The following ACIN1 variants were observed in gnomAD, a reference collection of about 807,000 sequenced individuals.
ACIN1 encodes the protein apoptotic chromatin condensation inducer 1, also known as apoptotic chromatin condensation inducer in the nucleus.
Under a neutral mutation model 146.6 loss-of-function variants are expected in ACIN1, and 16 were observed. The observed-to-expected ratio is 0.11, with a 90% CI of 0.07 to 0.17. The LOEUF (loss-of-function observed/expected upper bound fraction) is 0.17, where lower values mean the gene tolerates loss of function less well. Among genes scored for constraint, ACIN1 ranks in the 10% least tolerant of loss-of-function variants. ACIN1 has a pLI of 1.00. For missense variants in ACIN1, 1,357 were observed against 1,609.3 expected (o/e 0.84, Z 2.68); for synonymous variants, 569 against 582.7 (o/e 0.98, Z 0.34).
At chr14:23,094,848 CCA>C in intron 1 of ACIN1, 125 bp downstream of exon 1, 1 of 1,339,294 alleles carries the variant, frequency 7.5e-7, no homozygotes, top group East Asian at 2.5e-5. Context: ...GCGCGCGGAT[CCA>C]GAGGCTCGCG....
At chr14:23,060,909 C>T (rs978065543) in intron 18 of ACIN1, among the ~76,000 whole-genome samples, 175 bp downstream of exon 18, 1 of 152,236 alleles carries the variant, frequency 6.6e-6, no homozygotes, top group Admixed American at 6.5e-5. Flanking sequence ...CCTCCTGAGT[C>T]TGGTTTCTCT....
intron 10 of ACIN1, chr14:23,064,744 A>G (rs1425832585): frequency 2.5e-6 from 1 of 402,782 alleles, no homozygotes; most frequent in Non-Finnish European, 4.6e-6. Flanking sequence ...TAAAAATACA[A>G]AAATTAGCCA....
chr14:23,078,288 G>A (rs761659455), intron 7 of ACIN1, 22 bp from the exon 8 acceptor site: 10 of 1,606,282 alleles, frequency 6.2e-6, no homozygotes, highest in Non-Finnish European at 6.0e-6. Context: ...TAGCAAAAAC[G>A]AACAGAGCAA....
chr14:23,071,599 C>T, intron 8 of ACIN1: 1 of 1,524,510 alleles, frequency 6.6e-7, no homozygotes, highest in East Asian at 2.5e-5. Flanking sequence ...TGGGGGAGGG[C>T]CTTGCTGCAG....
In ACIN1 at chr14:23,079,058, A is replaced by G. The variant is rs745786788; in HGVS notation, c.1789-20T>C. 34 of 1,604,942 alleles carry G rather than the reference A, an allele frequency of 2.1e-5. No individual in the cohort carries two copies. In the Admixed American group the frequency reaches 3.2e-4, roughly 15 times the overall value. ...CAGAGACTAAAACAAAATGAAACAC[A>G]TAACAAGGAAAATTATTGTATATGG... On this transcript the variant is annotated intron_variant, in intron 6 of 18. Coordinates refer to ENST00000605057, the MANE Select transcript of ACIN1 (RefSeq NM_001386863.1).
rs2140152875 is a variant in ACIN1, at chr14:23,079,879, C to T, written c.1456G>A (p.Glu486Lys). ...AAAGATGGCTGTTTCAGACATTCTTCAGTGATTCCTTTGGCCAGTGCTAAT... is the reference window on the plus strand; with the variant it reads ...AAAGATGGCTGTTTCAGACATTCTTTAGTGATTCCTTTGGCCAGTGCTAAT... ...EELALAKGIT[E>K]ECLKQPSLEQ... The change falls in exon 6 of 19, where the codon GAA (glutamate) becomes AAA (lysine). Residue 486 changes from glutamate to lysine, a missense_variant. Around this residue, in one of 4 missense-constraint regions of ACIN1, gnomAD observed 771 missense variants for 746.6 expected, o/e 1.03. Transcript: ENST00000605057. The T allele has an allele frequency of 6.2e-7, 1 of 1,614,196 alleles. No individual in the cohort carries two copies. Among genetic ancestry groups the T allele is most frequent in the Non-Finnish European group, 8.5e-7 (1 of 1,180,030 alleles).
chr14:23,087,374 G>A (rs1049644474), intron 4 of ACIN1, among the ~76,000 whole-genome samples: 9 of 151,756 alleles, frequency 5.9e-5, no homozygotes, highest in Non-Finnish European at 1.5e-5. Context: ...ACACTGAAGA[G>A]CATTTACGGC....
chr14:23,065,822 A>G, intron 10 of ACIN1, 144 bp downstream of exon 10: 1 of 693,830 alleles, frequency 1.4e-6, no homozygotes, highest in Non-Finnish European at 2.5e-6. Context: ...CCTACATAGG[A>G]AAGGATTCAG....
At position 23,068,029 on chromosome 14, in the gene ACIN1, T is replaced by C; in HGVS notation, c.2265+1447A>G. ...CCTGCCTCCAGGGATGGAGGAGAAG[T>C]TGGAGCAACCAACATGCTGCCCTTC... On this transcript the variant is annotated intron_variant, in intron 9 of 18. Transcript: ENST00000605057. The surrounding 1 kb of genome is among the most constrained non-coding windows in gnomAD (Gnocchi z 4.3). 1 of 985,754 alleles carries C rather than the reference T, an allele frequency of 1.0e-6. No homozygotes were observed. 61.1% of individuals were successfully genotyped at this position (985,754 alleles called of 1,614,324 possible).
chr14:23,070,548 G>T (rs898348835), intron 8 of ACIN1, among the ~76,000 whole-genome samples: 4 of 151,904 alleles, frequency 2.6e-5, no homozygotes, highest in South Asian at 4.2e-4. Context: ...TTCAGGCAAA[G>T]AATCCCAGAG....
In ACIN1 at chr14:23,094,993, C is replaced by T; in HGVS notation, c.120G>A (p.Leu40=). The T allele has an allele frequency of 1.2e-6, 2 of 1,605,616 alleles. No homozygotes were observed. Among genetic ancestry groups the T allele is most frequent in the Non-Finnish European group, 1.7e-6 (2 of 1,179,378 alleles). The part of the protein sequence containing the change: ...GLAKSGQKSA[L]VKRLKGALML... ...TCCTCACCCCTTTGAGCCGCTTGACCAGGGCACTCTTCTGCCCGCTCTTGG... is the reference window on the plus strand; with the variant it reads ...TCCTCACCCCTTTGAGCCGCTTGACTAGGGCACTCTTCTGCCCGCTCTTGG... Residue 40 remains leucine, a synonymous_variant, in exon 1 of 19, where the codon CTG becomes CTA. Coordinates refer to ENST00000605057, the MANE Select transcript of ACIN1 (RefSeq NM_001386863.1).
At chr14:23,059,543 A>G in intron 18 of ACIN1, 69 bp from the exon 19 acceptor site, 1 of 1,268,440 alleles carries the variant, frequency 7.9e-7, no homozygotes. Context: ...TTGTGCCTGG[A>G]CCCTGCCTCC....
intron 10 of ACIN1, 124 bp downstream of exon 10, chr14:23,065,842 G>T: frequency 1.2e-6 from 1 of 826,966 alleles, no homozygotes; most frequent in Non-Finnish European, 2.0e-6. Context: ...GATTTGCTAG[G>T]CACAAGGGGT....
intron 1 of ACIN1, 113 bp downstream of exon 1, chr14:23,094,862 T>TGGCGGCCTGAGCGAGCTCGCGCC (rs1286784783): frequency 7.1e-6 from 10 of 1,408,644 alleles, no homozygotes; most frequent in African/African-American, 4.4e-5. Context: ...AGGCTCGCGC[T>TGGCGGCCTGAGCGAGCTCGCGCC]GGCGGCCTGA....
rs373871503 is a variant in ACIN1, at chr14:23,084,588, C to T, written c.437-2752G>A. 4.6e-4 allele frequency among the ~76,000 whole-genome samples: 67 copies of T among 146,668 alleles called. No individual in the cohort carries two copies. The East Asian group carries it at 0.011, about 25-fold the overall frequency. The stretch of plus-strand genomic sequence containing the variant: ...TGGCGCTATTGCACTCCAGCCTGGG[C>T]GACAGAGCGAGACTCCATCTCAAAA... On this transcript the variant is annotated intron_variant, in intron 4 of 18. Coordinates refer to ENST00000605057, the MANE Select transcript of ACIN1 (RefSeq NM_001386863.1).
chr14:23,061,349 G>A lies in ACIN1; in HGVS notation c.3373C>T (p.Arg1125Cys), dbSNP rs144915938. The A allele has an allele frequency of 4.6e-5, 75 of 1,614,092 alleles. No individual in the cohort carries two copies. In the African/African-American group the frequency reaches 6.0e-4, roughly 13 times the overall value. Residue 1125 changes from arginine to cysteine, a missense_variant, in exon 17 of 19, where the codon CGC becomes TGC. This residue lies in a region of ACIN1 where 509 missense variants were observed against 719.6 expected (regional missense o/e 0.71). Coordinates refer to ENST00000605057, the MANE Select transcript of ACIN1 (RefSeq NM_001386863.1). Reference sequence around the variant, plus strand: ...GACTTCGCACGTTCCTTGCGGCGGCGGTCACGGGACCTTGATCGGGAACGG... The same window carrying A: ...GACTTCGCACGTTCCTTGCGGCGGCAGTCACGGGACCTTGATCGGGAACGG... ...GPRSRSRSRD[R>C]RRKERAKSKE...
intron 8 of ACIN1, chr14:23,076,670 TC>T (rs2047809794): frequency 6.6e-6 from 1 of 152,242 alleles, no homozygotes; most frequent in African/African-American, 2.4e-5. Context: ...CGGAAGCAGT[TC>T]CTCAGGCCCA....
rs2047181012 is a variant in ACIN1, at chr14:23,059,002, G to A, written c.*146C>T. The A allele has an allele frequency of 1.4e-6, 1 of 721,796 alleles. No individual in the cohort carries two copies. The allele number at this position is 721,796 out of a possible 1,614,324, so 44.7% of individuals were successfully genotyped here. ...GGGGTGTGTTTGGGGGGAAAAGGAT[G>A]GCCACTTTTCCATTTGGTATGTATG... On this transcript the variant is annotated 3_prime_UTR_variant, in exon 19 of 19. Transcript: ENST00000605057.
chr14:23,070,157 G>A (rs974874305), intron 8 of ACIN1, among the ~76,000 whole-genome samples: 1 of 125,032 alleles, frequency 8.0e-6, no homozygotes, highest in African/African-American at 3.0e-5. Context: ...AAGGCCTGCT[G>A]ATCCTCAGGA....
Sources: allele counts gnomAD v4.1 joint callset (sites outside exome capture counted in the v4.1 genomes callset), GRCh38; gene constraint gnomAD v4.1.1; regional missense constraint gnomAD v4.1.1; non-coding constraint Gnocchi (gnomAD v3.1); transcripts MANE v1.5; gene names NCBI Gene and HGNC (gene_info 2026-07-23, HGNC 2026-07-21).